Variants in WRN observed in about 807,000 individuals in gnomAD.
WRN encodes the protein bifunctional 3'-5' exonuclease/ATP-dependent helicase WRN.
In WRN, 149 loss-of-function variants were observed where a neutral mutation model predicts 180.7. The ratio of observed to expected loss-of-function variants is 0.82; its 90% CI spans 0.72 to 0.94. WRN has a LOEUF of 0.94. Among genes scored for constraint, WRN ranks in the 40% least tolerant of loss-of-function variants. The pLI is 0.00. For missense variants in WRN, 1,661 were observed against 1,700.1 expected, an observed-to-expected ratio of 0.98 and a Z score of 0.40; for synonymous variants, 548 against 568.9, an observed-to-expected ratio of 0.96 and a Z score of 0.52.
At chr8:31,128,572 G>A (rs901059753) in intron 23 of WRN, among the ~76,000 whole-genome samples, 3 of 152,130 alleles carry the variant, frequency 2.0e-5, no homozygotes, top group Non-Finnish European at 4.4e-5. Context: ...TAAAAACTAT[G>A]TATTGGGCCG....
At position 31,064,325 on chromosome 8, in the gene WRN, C is replaced by A; in HGVS notation, c.246C>A (p.Asp82Glu). ...SLSDGDVVGF[D>E]MEWPPLYNRG... is the part of the protein sequence containing the mutation. ...CAGATGGGGATGTGGTGGGATTTGA[C>A]ATGGAGTGGCCACCATTATACAATA... The change falls in exon 4 of 35, where the codon GAC (aspartate) becomes GAA (glutamate). Residue 82 changes from aspartate (D) to glutamate (E), a missense_variant. This residue lies in a region of WRN where 500 missense variants were observed against 504.1 expected (regional missense o/e 0.99). Transcript: ENST00000298139. 6.2e-7 allele frequency: 1 copy of A among 1,614,082 alleles called. No homozygotes were observed. Among genetic ancestry groups the A allele is most frequent in the South Asian group, 1.1e-5 (1 of 91,086 alleles).
intron 34 of WRN, among the ~76,000 whole-genome samples, chr8:31,170,370 C>T (rs182704383): frequency 3.4e-5 from 5 of 147,744 alleles, no homozygotes; most frequent in Admixed American, 1.4e-4. Flanking sequence ...CCTGCTTGAC[C>T]GCTGAGTTTG....
intron 33 of WRN, among the ~76,000 whole-genome samples, chr8:31,161,304 A>G (rs1429555349): frequency 6.6e-6 from 1 of 152,028 alleles, no homozygotes; most frequent in Non-Finnish European, 1.5e-5. Flanking sequence ...GATGATGGGG[A>G]TGAATTCTGA....
chr8:31,170,300 C>G (rs1325927031), intron 34 of WRN, among the ~76,000 whole-genome samples: 1 of 151,500 alleles, frequency 6.6e-6, no homozygotes, highest in Non-Finnish European at 1.5e-5. Flanking sequence ...ACCCTCTCCT[C>G]CTATGTCATT....
intron 1 of WRN, among the ~76,000 whole-genome samples, chr8:31,053,801 A>T (rs1237184921): frequency 1.3e-5 from 2 of 152,256 alleles, no homozygotes; most frequent in African/African-American, 2.4e-5. Context: ...AATCCTAAAG[A>T]AGAATTAATA....
At chr8:31,157,656 C>A in intron 33 of WRN, 126 bp downstream of exon 33, 3 of 1,328,206 alleles carry the variant, frequency 2.3e-6, no homozygotes, top group Non-Finnish European at 3.1e-6. Context: ...TTTTGTGATT[C>A]TTTTTCTTGT....
At chr8:31,152,907 G>T (rs1803195430) in intron 31 of WRN, among the ~76,000 whole-genome samples, 1 of 152,034 alleles carries the variant, frequency 6.6e-6, no homozygotes, top group Non-Finnish European at 1.5e-5. Flanking sequence ...GCCAGGCATG[G>T]TGGTGCTAGC....
chr8:31,133,504 G>T (rs112964738), intron 24 of WRN, among the ~76,000 whole-genome samples: 1,919 of 151,488 alleles, frequency 0.013, 41 homozygotes, highest in African/African-American at 0.044. Flanking sequence ...CAGCCTGCGC[G>T]ACAGAGCAAG....
intron 17 of WRN, 63 bp from the exon 18 acceptor site, chr8:31,100,786 G>T: frequency 7.4e-7 from 1 of 1,347,376 alleles, no homozygotes; most frequent in South Asian, 1.2e-5. Flanking sequence ...TGGAGATGTA[G>T]ATGAGTTTAT....
chr8:31,085,732 C>T (rs996311601), intron 11 of WRN, among the ~76,000 whole-genome samples: 8 of 151,998 alleles, frequency 5.3e-5, no homozygotes, highest in East Asian at 1.9e-4. Flanking sequence ...AGCCTCCCAG[C>T]GTGCTGGGGA....
intron 11 of WRN, among the ~76,000 whole-genome samples, chr8:31,086,603 T>G (rs1202463445): frequency 2.6e-5 from 4 of 151,134 alleles, no homozygotes. Flanking sequence ...AAAAAAAAAG[T>G]AGATTGTGAA....
chr8:31,151,383 A>G (rs1803118215), intron 31 of WRN, among the ~76,000 whole-genome samples: 1 of 152,158 alleles, frequency 6.6e-6, no homozygotes, highest in African/African-American at 2.4e-5. Context: ...TCTTTCTCTA[A>G]CTATAAGTAG....
intron 7 of WRN, among the ~76,000 whole-genome samples, chr8:31,074,374 A>G (rs1813022792): frequency 6.6e-6 from 1 of 152,188 alleles, no homozygotes; most frequent in Non-Finnish European, 1.5e-5. Flanking sequence ...GGGAGTAGAG[A>G]TCTGAAGACT....
At chr8:31,149,174 G>A (rs1158777686) in intron 30 of WRN, among the ~76,000 whole-genome samples, 1 of 151,984 alleles carries the variant, frequency 6.6e-6, no homozygotes, top group African/African-American at 2.4e-5. Flanking sequence ...GAGGCGGGCG[G>A]ATCACGAGGT....
At chr8:31,137,170 C>T (rs1287325785) in intron 24 of WRN, among the ~76,000 whole-genome samples, 1 of 151,580 alleles carries the variant, frequency 6.6e-6, no homozygotes, top group Non-Finnish European at 1.5e-5. Flanking sequence ...ATATCATCCT[C>T]TTCATGGTGA....
At chr8:31,050,510 T>C (rs949707002) in intron 1 of WRN, among the ~76,000 whole-genome samples, 3 of 120,358 alleles carry the variant, frequency 2.5e-5, no homozygotes, top group African/African-American at 7.3e-5. Flanking sequence ...TTTTGGATAC[T>C]TTTTTTTTTT....
At chr8:31,164,670 GA>G (rs1803779297) in intron 33 of WRN, among the ~76,000 whole-genome samples, 1 of 152,258 alleles carries the variant, frequency 6.6e-6, no homozygotes, top group South Asian at 2.1e-4. Flanking sequence ...TTAAGGCATT[GA>G]ATGAAGTACC....
chr8:31,069,198 CT>C (rs1300586192), intron 7 of WRN, among the ~76,000 whole-genome samples: 8 of 152,234 alleles, frequency 5.3e-5, no homozygotes, highest in African/African-American at 1.9e-4. Flanking sequence ...GCTAAATGCT[CT>C]TAAAAATATG....
chr8:31,160,643 A>T (rs1315859980), intron 33 of WRN, among the ~76,000 whole-genome samples: 1 of 152,152 alleles, frequency 6.6e-6, no homozygotes, highest in African/African-American at 2.4e-5. Context: ...GCTTAAAGCA[A>T]TTTGCATCTT....
Sources: gnomAD v4.1 joint callset for allele counts (sites outside exome capture counted in the v4.1 genomes callset) on GRCh38, gnomAD v4.1.1 for gene constraint, gnomAD v4.1.1 regional missense constraint, MANE v1.5 for transcripts, NCBI Gene and HGNC (gene_info 2026-07-23, HGNC 2026-07-21) for gene names.